The following DGKA variants were observed in gnomAD, a reference collection of about 807,000 sequenced individuals.
DGKA encodes 80 kDa diacylglycerol kinase.
In DGKA, 35 loss-of-function variants were observed where a neutral mutation model predicts 105.0. The observed-to-expected ratio is 0.33, with a 90% CI of 0.25 to 0.44. The LOEUF (loss-of-function observed/expected upper bound fraction) is 0.44. Ranked by LOEUF, DGKA falls within the 20% of genes least tolerant of loss-of-function variation. The pLI is 1.00. For missense variants in DGKA, 665 were observed against 915.0 expected, an observed-to-expected ratio of 0.73 and a Z score of 3.53; for synonymous variants, 296 against 332.0, an observed-to-expected ratio of 0.89 and a Z score of 1.18.
In DGKA at chr12:55,941,500, C is replaced by T. The variant is rs1434348375; in HGVS notation, c.1176-10C>T. On this transcript the variant is annotated splice_polypyrimidine_tract_variant and intron_variant, in intron 14 of 23. Coordinates refer to ENST00000331886, the MANE Select transcript of DGKA (RefSeq NM_001345.5). ...CGCCTGCCATGAACTTTTCTTTTTC[C>T]CACACACAGGGTGCTCTGGAAGTTC... 1.2e-6 allele frequency: 2 copies of T among 1,614,078 alleles called. No individual in the cohort carries two copies. The highest frequency in any genetic ancestry group is 8.5e-7 in the Non-Finnish European group (1 of 1,179,974).
Position 55,942,181 on chromosome 12 carries a change from T to A in DGKA, c.1344T>A (p.Ala448=). The A allele has an allele frequency of 6.2e-7, 1 of 1,614,232 alleles. No homozygotes were observed. The highest frequency in any genetic ancestry group is 2.2e-5 in the East Asian group (1 of 44,882). The change falls in exon 17 of 24, where the codon GCT becomes GCA. Residue 448 remains alanine (A), a synonymous_variant. Coordinates refer to ENST00000331886, the MANE Select transcript of DGKA (RefSeq NM_001345.5). The stretch of plus-strand genomic sequence containing the variant: ...CTTCACCTGCCTCCGCAGACAAAGC[T>A]AACTTGCCAGTTTTGCCTCCTGTTG... ...VGWILETIDK[A]NLPVLPPVAV...
At chr12:55,933,160 G>A (rs1407211518) in intron 1 of DGKA, among the ~76,000 whole-genome samples, 2 of 152,230 alleles carry the variant, frequency 1.3e-5, no homozygotes, top group African/African-American at 4.8e-5. Context: ...CTAAGATTTA[G>A]TGGAATGTAC....
At chr12:55,947,076 C>T (rs1305372161) in intron 17 of DGKA, among the ~76,000 whole-genome samples, 1 of 150,398 alleles carries the variant, frequency 6.6e-6, no homozygotes, top group African/African-American at 2.5e-5. Context: ...ACCTCCACCT[C>T]CCGGGTTCAA....
At chr12:55,933,966 G>A (rs1592663041) in intron 1 of DGKA, among the ~76,000 whole-genome samples, 2 of 152,222 alleles carry the variant, frequency 1.3e-5, no homozygotes, top group South Asian at 2.1e-4. Context: ...CCCACATTGC[G>A]ACTGATTTCT....
At chr12:55,931,141 G>A (rs1179492941), upstream of DGKA, 1 of 152,200 alleles carries the variant, frequency 6.6e-6, no homozygotes, top group Admixed American at 6.5e-5. Context: ...CGGGGCCAGT[G>A]AGCAGGATGC....
At chr12:55,938,415 G>T (rs1249824556) in intron 5 of DGKA, 96 bp from the exon 6 acceptor site, 4 of 1,518,190 alleles carry the variant, frequency 2.6e-6, no homozygotes, top group Non-Finnish European at 3.6e-6. Flanking sequence ...TCACCCAAAA[G>T]CTCTCTCCCT....
Position 55,941,547 on chromosome 12 carries a change from C to A in DGKA, c.1213C>A (p.Gln405Lys). The A allele has an allele frequency of 6.2e-7, 1 of 1,614,168 alleles. No individual in the cohort carries two copies. The highest frequency in any genetic ancestry group is 8.5e-7 in the Non-Finnish European group (1 of 1,180,018). The change falls in exon 15 of 24, where the codon CAG becomes AAG. Residue 405 changes from glutamine (Q) to lysine (K), a missense_variant. Physicochemically the swap from Gln to Lys is moderately conservative, Grantham distance 53. Transcript: ENST00000331886. ...WKFQYILNPR[Q>K]VFNLLKDGPE... ...GTTCCAGTATATATTAAACCCTCGA[C>A]AGGTGTTCAACCTCCTAAAGGATGG...
rs961484873 is a variant in DGKA at position 55,932,434 on chromosome 12, C to T, written c.-82+1090C>T. ...GTCCTCTTCGGAACCTCCACAGTGC[C>T]GCACGGGTGGAGAAGGGTTCTTGTT... On this transcript the variant is annotated intron_variant, in intron 1 of 23. Transcript: ENST00000331886. The surrounding 1 kb of genome is among the most constrained non-coding windows in gnomAD (Gnocchi z 4.3). The T allele has an allele frequency of 2.5e-5, 17 of 667,216 alleles. No individual in the cohort carries two copies. Among genetic ancestry groups the T allele is most frequent in the African/African-American group, 1.1e-4 (6 of 56,638 alleles). The allele number at this position is 667,216 out of a possible 1,614,324, so 41.3% of individuals were successfully genotyped here.
Position 55,940,353 on chromosome 12 carries a change from G to C in DGKA, c.838G>C (p.Gly280Arg), listed in dbSNP as rs1406360533. 9 of 1,614,108 alleles carry C rather than the reference G, an allele frequency of 5.6e-6. No individual in the cohort carries two copies. The highest frequency in any genetic ancestry group is 6.8e-6 in the Non-Finnish European group (8 of 1,180,052). Residue 280 changes from glycine (G) to arginine (R), a missense_variant, in exon 11 of 24, where the codon GGG becomes CGG. Gly to Arg is a moderately radical substitution (Grantham distance 125, BLOSUM62 -2). Transcript: ENST00000331886. The surrounding 1 kb of genome is among the most constrained non-coding windows in gnomAD (Gnocchi z 4.3). ...GTGGGTGCGAGGAGGCTGTGAGTCC[G>C]GGCGCTGCGACCGCTGTCAGAAAAA... Reference protein sequence around the residue: ...HVWVRGGCESGRCDRCQKKIR... With the variant: ...HVWVRGGCESRRCDRCQKKIR...
rs373421298 is a variant in DGKA at position 55,941,986 on chromosome 12, C to G, written c.1251-12C>G. On this transcript the variant is annotated splice_polypyrimidine_tract_variant and intron_variant, in intron 15 of 23. Transcript: ENST00000331886. ...TTATCCTTCTTCATATTCTCTCTCC[C>G]CTTTGTCTCAGGCTCCGATTATTCA... 23 of 1,613,930 alleles carry G rather than the reference C, an allele frequency of 1.4e-5. No homozygotes were observed. The highest frequency in any genetic ancestry group is 1.5e-5 in the Non-Finnish European group (18 of 1,179,918).
intron 17 of DGKA, among the ~76,000 whole-genome samples, chr12:55,947,770 G>A (rs1887329676): frequency 1.3e-5 from 2 of 152,182 alleles, no homozygotes; most frequent in Admixed American, 6.6e-5. Context: ...CTTACTCGGA[G>A]AATATGAACA....
chr12:55,951,858 G>A, intron 18 of DGKA, 75 bp downstream of exon 18: 1 of 1,569,280 alleles, frequency 6.4e-7, no homozygotes, highest in Non-Finnish European at 8.7e-7. Context: ...GAGCAGAAAA[G>A]GAGGGGGAGG....
chr12:55,946,617 A>G (rs1221074182), intron 17 of DGKA, among the ~76,000 whole-genome samples: 1 of 152,124 alleles, frequency 6.6e-6, no homozygotes, highest in Admixed American at 6.5e-5. Flanking sequence ...TCGGCCTCCT[A>G]AAGTGCTGGG....
chr12:55,931,031 C>T (rs1465260763), upstream of DGKA: 8 of 152,284 alleles, frequency 5.3e-5, no homozygotes, highest in Non-Finnish European at 7.3e-5. Context: ...CCCCTTCTTC[C>T]CACCCCCAGG....
At chr12:55,950,732 T>C (rs1887994072) in intron 17 of DGKA, among the ~76,000 whole-genome samples, 2 of 152,126 alleles carry the variant, frequency 1.3e-5, no homozygotes, top group African/African-American at 4.8e-5. Flanking sequence ...TGAGCCACTG[T>C]GCCTGGCCTT....
chr12:55,933,499 T>C (rs1389871040), intron 1 of DGKA: 1 of 152,078 alleles, frequency 6.6e-6, no homozygotes, highest in Non-Finnish European at 1.5e-5. Flanking sequence ...AATGGACTTG[T>C]TCTAGGTCTT....
rs941852473 is a variant in DGKA, at chr12:55,935,799, C to T, written c.-81-624C>T. The T allele has an allele frequency of 4.6e-6, 4 of 872,508 alleles. No individual in the cohort carries two copies. In the Admixed American group the frequency reaches 1.9e-4, roughly 41 times the overall value. The allele number at this position is 872,508 out of a possible 1,614,324, so 54.0% of individuals were successfully genotyped here. A position where few individuals can be genotyped will look rare whatever the true frequency, so the allele number is the denominator to read the frequency against. ...GAACGCAGTCCAGGCGGGGCCGGGG[C>T]TAGGGACCTTGCCAGAGCTGGTTCT... On this transcript the variant is annotated intron_variant, in intron 1 of 23. Coordinates refer to ENST00000331886, the MANE Select transcript of DGKA (RefSeq NM_001345.5).
intron 4 of DGKA, 67 bp from the exon 5 acceptor site, chr12:55,937,907 GACAA>G (rs1212896475): frequency 2.5e-5 from 34 of 1,357,146 alleles, no homozygotes; most frequent in Non-Finnish European, 3.2e-5. Context: ...GGAGAGGTGG[GACAA>G]ACAAAGGATA....
At chr12:55,948,400 CG>C (rs200356613) in intron 17 of DGKA, among the ~76,000 whole-genome samples, 3 of 137,106 alleles carry the variant, frequency 2.2e-5, no homozygotes, top group African/African-American at 8.4e-5. Context: ...GACTCCATCT[CG>C]AAAAAAAAAA....
Sources: allele counts gnomAD v4.1 joint callset (sites outside exome capture counted in the v4.1 genomes callset), GRCh38; gene constraint gnomAD v4.1.1; non-coding constraint Gnocchi (gnomAD v3.1); transcripts MANE v1.5; gene names NCBI Gene and HGNC (gene_info 2026-07-23, HGNC 2026-07-21).